AMZ1: variants seen among roughly 807,000 people sequenced by gnomAD.
AMZ1 encodes archaemetzincin-1.
Under a neutral mutation model 29.9 loss-of-function variants are expected in AMZ1, and 39 were observed. That is an observed-to-expected ratio of 1.30 (90% CI 1.01 to 1.70). AMZ1 has a LOEUF of 1.70. Among genes scored for constraint, AMZ1 ranks in the 40% most tolerant of loss-of-function variants. The probability of loss-of-function intolerance (pLI) is 0.00; values close to 1 mark genes in which losing one functional copy is unlikely to be tolerated. For synonymous variants in AMZ1, 458 were observed against 304.0 expected (o/e 1.51, Z -5.27); for missense variants, 1,041 against 680.6 (o/e 1.53, Z -5.89).
intron 3 of AMZ1, among the ~76,000 whole-genome samples, chr7:2,704,649 T>TC (rs1788248270): frequency 2.2e-5 from 3 of 135,374 alleles, no homozygotes; most frequent in Non-Finnish European, 4.5e-5. Context: ...CAGGCTGGAG[T>TC]GCAGTGGCAT....
At chr7:2,726,757 G>C (rs559459395) in intron 4 of AMZ1, among the ~76,000 whole-genome samples, 1 of 152,238 alleles carries the variant, frequency 6.6e-6, no homozygotes, top group South Asian at 2.1e-4. Context: ...CCGTGATGCC[G>C]AAGAGCAAGT....
intron 4 of AMZ1, among the ~76,000 whole-genome samples, chr7:2,738,327 CA>C (rs960324039): frequency 2.9e-4 from 44 of 151,674 alleles, no homozygotes; most frequent in African/African-American, 8.7e-4. Flanking sequence ...GGCAGAAATA[CA>C]AAGTGACGCA....
Position 2,708,736 on chromosome 7 carries a change from G to C in AMZ1, c.601+20G>C, listed in dbSNP as rs115193232. 1.1e-3 allele frequency: 1,747 copies of C among 1,611,750 alleles called. 14 individuals are homozygous for C. The African/African-American group carries it at 0.02, about 19-fold the overall frequency. ...GGCACGGTGAGCCGGGGCCCCAGCA[G>C]CTGTGCGTGGGGGGTAGCCTGGCAT... On this transcript the variant is annotated intron_variant, in intron 4 of 6. Coordinates refer to ENST00000683327, the MANE Select transcript of AMZ1 (RefSeq NM_001384743.1).
chr7:2,734,897 T>C (rs546153543), intron 4 of AMZ1, among the ~76,000 whole-genome samples: 43 of 151,976 alleles, frequency 2.8e-4, no homozygotes, highest in African/African-American at 1.0e-3. Context: ...GCATCGGGAG[T>C]GCCAGGGTGA....
chr7:2,694,570 G>T (rs1382900811), intron 1 of AMZ1, among the ~76,000 whole-genome samples: 1 of 152,002 alleles, frequency 6.6e-6, no homozygotes, highest in Non-Finnish European at 1.5e-5. Flanking sequence ...GATTACAGGT[G>T]TGAGCCACCG....
chr7:2,710,497 C>A (rs550153772), intron 6 of AMZ1, among the ~76,000 whole-genome samples: 1 of 152,242 alleles, frequency 6.6e-6, no homozygotes, highest in Non-Finnish European at 1.5e-5. Flanking sequence ...CCTCCTCCCG[C>A]CCGTTGAGGC....
Position 2,713,968 on chromosome 7 carries a change from G to A in AMZ1, c.*1090G>A, listed in dbSNP as rs964407501. On this transcript the variant is annotated 3_prime_UTR_variant, in exon 7 of 7. Transcript: ENST00000683327. ...GCTGAGAGAGGGGTATTATTGCCATGGCTGGGCGTTTGATCTGTCTCCCTT... is the reference window on the plus strand; with the variant it reads ...GCTGAGAGAGGGGTATTATTGCCATAGCTGGGCGTTTGATCTGTCTCCCTT... The A allele has an allele frequency of 3.3e-5, 5 of 152,140 alleles. 1 individual carries two copies. The highest frequency in any genetic ancestry group is 1.2e-4 in the African/African-American group (5 of 41,414). 9.4% of individuals were successfully genotyped at this position (152,140 alleles called of 1,614,324 possible). A position where few individuals can be genotyped will look rare whatever the true frequency, so the allele number is the denominator to read the frequency against.
rs766622310 is a variant in AMZ1, at chr7:2,712,806, G to A, written c.1425G>A (p.Arg475=). 1.1e-5 allele frequency: 17 copies of A among 1,542,332 alleles called. No homozygotes were observed. Among genetic ancestry groups the A allele is most frequent in the African/African-American group, 2.7e-5 (2 of 72,974 alleles). Residue 475 remains arginine, a synonymous_variant, in exon 7 of 7, where the codon AGG becomes AGA. Transcript: ENST00000683327. The part of the protein sequence containing the change: ...KVLGDKFSSL[R]RKLSARKLAR... ...TGGGGGACAAGTTCTCCTCCCTGAG[G>A]AGGAAGCTGAGTGCCCGAAAACTCG...
chr7:2,720,630 C>T (rs976445719), downstream of AMZ1, among the ~76,000 whole-genome samples: 2 of 152,036 alleles, frequency 1.3e-5, no homozygotes, highest in African/African-American at 4.8e-5. Context: ...GTCTTGAACT[C>T]CTGACCTCAA....
rs79756242 is a variant in AMZ1, at chr7:2,718,189, G to C, written c.*5311G>C. On this transcript the variant is annotated 3_prime_UTR_variant, in exon 7 of 7. Transcript: ENST00000683327. Reference sequence around the variant, plus strand: ...AACGCACTTCTGTCACATGGAAACTGAGCCCGGCATGGAGTCACGTGGCTC... The same window carrying C: ...AACGCACTTCTGTCACATGGAAACTCAGCCCGGCATGGAGTCACGTGGCTC... 0.033 allele frequency among the ~76,000 whole-genome samples: 4,957 copies of C among 152,270 alleles called. 294 individuals are homozygous for C. The highest frequency in any genetic ancestry group is 0.11 in the African/African-American group (4,672 of 41,544).
upstream of AMZ1, chr7:2,762,508 C>T: frequency 1.1e-6 from 1 of 942,516 alleles, no homozygotes; most frequent in Admixed American, 3.4e-5. Flanking sequence ...AGTAGCCTAA[C>T]TGTGGACTAC....
intron 3 of AMZ1, among the ~76,000 whole-genome samples, chr7:2,706,488 G>T (rs781435624): frequency 6.6e-6 from 1 of 152,244 alleles, no homozygotes; most frequent in Non-Finnish European, 1.5e-5. Flanking sequence ...GGAGCCTGCA[G>T]TTCTTAACCA....
In AMZ1 at chr7:2,731,478, G is replaced by T. The variant is rs1789891389; in HGVS notation, n.550+21662G>T. The T allele has an allele frequency of 6.2e-7, 1 of 1,613,820 alleles. No homozygotes were observed. The highest frequency in any genetic ancestry group is 8.5e-7 in the Non-Finnish European group (1 of 1,179,930). ...TGATGGAGACGTTGAAGAAGAGCTT[G>T]TTGTTGACGATGGTCTCGAAGATGT... On this transcript the variant is annotated intron_variant and non_coding_transcript_variant, in intron 4 of 4. Transcript: ENST00000489665. This position sits in a 1 kb window ranked among gnomAD's most constrained non-coding sequence, Gnocchi z 6.0.
chr7:2,731,759 T>C lies in AMZ1; in HGVS notation n.550+21943T>C. The C allele has an allele frequency of 2.1e-6, 3 of 1,442,564 alleles. No homozygotes were observed. The highest frequency in any genetic ancestry group is 2.8e-6 in the Non-Finnish European group (3 of 1,073,626). 89.4% of individuals were successfully genotyped at this position (1,442,564 alleles called of 1,614,324 possible). A position where few individuals can be genotyped will look rare whatever the true frequency, so the allele number is the denominator to read the frequency against. On this transcript the variant is annotated intron_variant and non_coding_transcript_variant, in intron 4 of 4. Transcript: ENST00000489665. This position sits in a 1 kb window ranked among gnomAD's most constrained non-coding sequence, Gnocchi z 6.0. ...TTACTAGGAAAGTAATTCTGTAAAA[T>C]ACAGGATGAGGCAGAAATTTAGGGG...
rs946081521 is a variant in AMZ1 at position 2,719,263 on chromosome 7, C to T, written c.*6385C>T. Among the ~76,000 whole-genome samples, 3 of 152,246 alleles carry T rather than the reference C, an allele frequency of 2.0e-5. No individual in the cohort carries two copies. The highest frequency in any genetic ancestry group is 7.2e-5 in the African/African-American group (3 of 41,470). On this transcript the variant is annotated 3_prime_UTR_variant, in exon 7 of 7. Coordinates refer to ENST00000683327, the MANE Select transcript of AMZ1 (RefSeq NM_001384743.1). ...GCCATCCTCCGGCCGCCTCTCCCGC[C>T]TGCACCACTTGGAGGCAGTTGTTTC...
intron 4 of AMZ1, among the ~76,000 whole-genome samples, chr7:2,746,350 G>T (rs1446572840): frequency 6.6e-6 from 1 of 152,120 alleles, no homozygotes; most frequent in Non-Finnish European, 1.5e-5. Flanking sequence ...AATCAAACTA[G>T]AACTCAGGAT....
rs1317020597 is a variant in AMZ1, at chr7:2,737,269, G to GTTTTT, written n.551-27439_551-27438insTTTTT. Among the ~76,000 whole-genome samples the GTTTTT allele has an allele frequency of 4.1e-3, 156 of 38,092 alleles. 18 individuals are homozygous for GTTTTT. Among genetic ancestry groups the GTTTTT allele is most frequent in the East Asian group, 1.0e-2 (10 of 1,002 alleles). 25.0% of individuals were successfully genotyped at this position (38,092 alleles called of 152,430 possible). A position where few individuals can be genotyped will look rare whatever the true frequency, so the allele number is the denominator to read the frequency against. On this transcript the variant is annotated intron_variant and non_coding_transcript_variant, in intron 4 of 4. Coordinates refer to the AMZ1 transcript ENST00000489665. ...CATTCAGGAGCTATCTCACAGTTTT[G>GTTTTT]TTTTGTTTTTTTTTTTTTTGTTTTT...
At chr7:2,735,516 C>T (rs1258963698) in intron 4 of AMZ1, among the ~76,000 whole-genome samples, 2 of 152,182 alleles carry the variant, frequency 1.3e-5, no homozygotes, top group African/African-American at 4.8e-5. Flanking sequence ...AGGGCACAAT[C>T]AGGACAAGCT....
At chr7:2,720,299 C>A (rs1003580418), downstream of AMZ1, among the ~76,000 whole-genome samples, 2 of 152,266 alleles carry the variant, frequency 1.3e-5, no homozygotes, top group Non-Finnish European at 2.9e-5. Context: ...CACAAATGTT[C>A]ACTCCCCGTT....
Sources: gnomAD v4.1 joint callset for allele counts (sites outside exome capture counted in the v4.1 genomes callset) on GRCh38, gnomAD v4.1.1 for gene constraint, Gnocchi (gnomAD v3.1) non-coding constraint, MANE v1.5 for transcripts, NCBI Gene and HGNC (gene_info 2026-07-23, HGNC 2026-07-21) for gene names.